ITGBL1: variants seen among roughly 807,000 people sequenced by gnomAD.
The protein encoded by ITGBL1 is integrin subunit beta like 1, also known as integrin beta-like protein 1.
Under a neutral mutation model 68.5 loss-of-function variants are expected in ITGBL1, and 51 were observed. The observed-to-expected ratio is 0.74, with a 90% CI of 0.59 to 0.94. The LOEUF is 0.94. Ranked by LOEUF, ITGBL1 falls within the 40% of genes least tolerant of loss-of-function variation. ITGBL1 has a pLI of 0.00. For missense variants in ITGBL1, 649 were observed against 647.4 expected (o/e 1.00, Z -0.03); for synonymous variants, 209 against 227.3 (o/e 0.92, Z 0.72).
intron 2 of ITGBL1, among the ~76,000 whole-genome samples, chr13:101,485,496 T>C (rs2048688449): frequency 6.6e-6 from 1 of 152,144 alleles, no homozygotes; most frequent in South Asian, 2.1e-4. Flanking sequence ...AGATACTACC[T>C]TACTCCTATA....
At chr13:101,619,317 T>C (rs1180799755) in intron 7 of ITGBL1, among the ~76,000 whole-genome samples, 1 of 151,808 alleles carries the variant, frequency 6.6e-6, no homozygotes, top group Non-Finnish European at 1.5e-5. Context: ...TTATACTAGA[T>C]CATCTGGGTG....
chr13:101,599,168 G>A (rs1490734189), intron 7 of ITGBL1, among the ~76,000 whole-genome samples: 1 of 151,224 alleles, frequency 6.6e-6, no homozygotes, highest in Non-Finnish European at 1.5e-5. Context: ...GTTTTGATTT[G>A]CATTTCTCTG....
chr13:101,615,566 G>A (rs868324475), intron 7 of ITGBL1, among the ~76,000 whole-genome samples: 1 of 152,066 alleles, frequency 6.6e-6, no homozygotes, highest in African/African-American at 2.4e-5. Flanking sequence ...ATATTAGAAG[G>A]TGGGGTCTTT....
intron 7 of ITGBL1, among the ~76,000 whole-genome samples, chr13:101,671,603 T>A (rs1474790427): frequency 6.6e-6 from 1 of 150,862 alleles, no homozygotes; most frequent in Non-Finnish European, 1.5e-5. Flanking sequence ...CACGCCCGGC[T>A]AATTTTTTGT....
intron 2 of ITGBL1, among the ~76,000 whole-genome samples, chr13:101,534,094 A>G (rs9300679): frequency 0.78 from 119,215 of 152,090 alleles, 46,704 homozygotes; most frequent in South Asian, 0.81. Flanking sequence ...CATAATCAGC[A>G]CAGTCTAATT....
chr13:101,536,576 G>C (rs1053839744), intron 2 of ITGBL1, among the ~76,000 whole-genome samples: 1 of 151,912 alleles, frequency 6.6e-6, no homozygotes, highest in African/African-American at 2.4e-5. Context: ...TGGTCTCCCT[G>C]TTCTAAATGT....
At chr13:101,649,203 A>C (rs867545459) in intron 7 of ITGBL1, among the ~76,000 whole-genome samples, 3 of 152,172 alleles carry the variant, frequency 2.0e-5, no homozygotes, top group African/African-American at 2.4e-5. Flanking sequence ...ATGTGAAAAC[A>C]CATCTGTTTC....
Position 101,672,499 on chromosome 13 carries a change from C to T in ITGBL1, c.1016-20086C>T, listed in dbSNP as rs191584895. Among the ~76,000 whole-genome samples the T allele has an allele frequency of 1.2e-4, 18 of 152,286 alleles. No individual in the cohort carries two copies. In the East Asian group the frequency reaches 3.1e-3, roughly 26 times the overall value. On this transcript the variant is annotated intron_variant, in intron 7 of 10. Coordinates refer to ENST00000376180, the MANE Select transcript of ITGBL1 (RefSeq NM_004791.3). Reference sequence around the variant, plus strand: ...CTCCATCCTCTCTTTGCCAGCCACACGTACAGTAAGGAGCAGACAAGATGG... The same window carrying T: ...CTCCATCCTCTCTTTGCCAGCCACATGTACAGTAAGGAGCAGACAAGATGG...
chr13:101,477,137 A>G (rs908387224), intron 2 of ITGBL1, among the ~76,000 whole-genome samples: 6 of 152,166 alleles, frequency 3.9e-5, no homozygotes, highest in Non-Finnish European at 8.8e-5. Flanking sequence ...AAATTATATC[A>G]CATATCTTCT....
intron 7 of ITGBL1, among the ~76,000 whole-genome samples, chr13:101,663,258 C>A (rs185048200): frequency 3.9e-5 from 6 of 152,248 alleles, no homozygotes; most frequent in African/African-American, 1.2e-4. Context: ...GATTATATAA[C>A]TTGACTGCAC....
At chr13:101,563,039 AG>A (rs1477710704) in intron 2 of ITGBL1, among the ~76,000 whole-genome samples, 1 of 151,578 alleles carries the variant, frequency 6.6e-6, no homozygotes, top group Non-Finnish European at 1.5e-5. Flanking sequence ...GAAATCTCAA[AG>A]GATATTAAAA....
intron 7 of ITGBL1, among the ~76,000 whole-genome samples, chr13:101,667,003 T>C (rs2033235612): frequency 6.6e-6 from 1 of 152,188 alleles, no homozygotes; most frequent in Non-Finnish European, 1.5e-5. Context: ...TTTGTCCAAA[T>C]CCTTAAAATT....
intron 3 of ITGBL1, among the ~76,000 whole-genome samples, chr13:101,570,693 ATAGT>A (rs1453559512): frequency 6.6e-6 from 1 of 152,192 alleles, no homozygotes; most frequent in Admixed American, 6.5e-5. Flanking sequence ...GCAAAGAAAA[ATAGT>A]TGGTTGGCTA....
chr13:101,525,811 ACCT>A lies in ITGBL1; in HGVS notation c.317-41886_317-41884del, dbSNP rs2049366505. Among the ~76,000 whole-genome samples, 3 of 151,944 alleles carry A rather than the reference ACCT, an allele frequency of 2.0e-5. No homozygotes were observed. The South Asian group carries it at 6.2e-4, about 32-fold the overall frequency. On this transcript the variant is annotated intron_variant, in intron 2 of 10. Coordinates refer to ENST00000376180, the MANE Select transcript of ITGBL1 (RefSeq NM_004791.3). ...ACTGAAGCCCTCTTTAAGCAGTAAT[ACCT>A]CTATTATTAAGCATTTAAATATATA... is the stretch of plus-strand genomic sequence containing the variant.
rs146829108 is a variant in ITGBL1 at position 101,706,894 on chromosome 13, C to T, written c.1271C>T (p.Ser424Leu). Reference protein sequence around the residue: ...LCESADGILCSGKGSCHCGKC... With the variant: ...LCESADGILCLGKGSCHCGKC... ...GAATCAGCAGATGGCATATTGTGCTCGGGGAAGGGTGAGTATCTCTGCTGG... is the reference window on the plus strand; with the variant it reads ...GAATCAGCAGATGGCATATTGTGCTTGGGGAAGGGTGAGTATCTCTGCTGG... The change falls in exon 9 of 11, where the codon TCG (serine) becomes TTG (leucine). Residue 424 changes from serine to leucine, a missense_variant. Coordinates refer to ENST00000376180, the MANE Select transcript of ITGBL1 (RefSeq NM_004791.3). 465 of 1,613,692 alleles carry T rather than the reference C, an allele frequency of 2.9e-4. No homozygotes were observed. The highest frequency in any genetic ancestry group is 3.6e-4 in the Non-Finnish European group (428 of 1,179,808).
At chr13:101,525,709 T>C (rs1452823038) in intron 2 of ITGBL1, among the ~76,000 whole-genome samples, 1 of 152,136 alleles carries the variant, frequency 6.6e-6, no homozygotes, top group Non-Finnish European at 1.5e-5. Flanking sequence ...TTTTAATTTG[T>C]ATTTATTATA....
chr13:101,559,843 C>T (rs1377217254), intron 2 of ITGBL1, among the ~76,000 whole-genome samples: 1 of 152,134 alleles, frequency 6.6e-6, no homozygotes, highest in Admixed American at 6.5e-5. Flanking sequence ...TACTGGAAGC[C>T]AATAATTATT....
At chr13:101,541,976 A>G (rs540189733) in intron 2 of ITGBL1, among the ~76,000 whole-genome samples, 8 of 152,168 alleles carry the variant, frequency 5.3e-5, no homozygotes, top group African/African-American at 1.9e-4. Context: ...TTAGCAGTCT[A>G]TCAATTTTGT....
rs145812123 is a variant in ITGBL1, at chr13:101,602,511, C to A, written c.1015+4212C>A. Among the ~76,000 whole-genome samples, 13 of 152,118 alleles carry A rather than the reference C, an allele frequency of 8.5e-5. 1 individual carries two copies. The East Asian group carries it at 2.3e-3, about 27-fold the overall frequency. On this transcript the variant is annotated intron_variant, in intron 7 of 10. Transcript: ENST00000376180. ...GTTCAAGAAAGGAAACAAAGACTTTCTTCACTTGAACATTAGATCAGAAAT... is the reference window on the plus strand; with the variant it reads ...GTTCAAGAAAGGAAACAAAGACTTTATTCACTTGAACATTAGATCAGAAAT...
Sources: gnomAD v4.1 joint callset for allele counts (sites outside exome capture counted in the v4.1 genomes callset) on GRCh38, gnomAD v4.1.1 for gene constraint, MANE v1.5 for transcripts, NCBI Gene and HGNC (gene_info 2026-07-23, HGNC 2026-07-21) for gene names.